Variants in ASB1 observed in about 807,000 individuals in gnomAD.
ASB1 encodes the protein ankyrin repeat and SOCS box protein 1.
A neutral mutation model predicts 27.7 loss-of-function variants in ASB1; 18 were observed. The observed-to-expected ratio is 0.65, with a 90% CI of 0.45 to 0.96. The LOEUF (loss-of-function observed/expected upper bound fraction) is 0.96, where lower values mean the gene tolerates loss of function less well. ASB1 is among the 50% of genes least tolerant of loss of function. The probability of loss-of-function intolerance (pLI) is 0.00; values close to 1 mark genes in which losing one functional copy is unlikely to be tolerated. For missense variants in ASB1, 397 were observed against 451.7 expected (o/e 0.88, Z 1.10); for synonymous variants, 189 against 187.6 (o/e 1.01, Z -0.06).
chr2:238,448,590 A>G lies in ASB1; in HGVS notation c.*2079A>G, dbSNP rs1702223185. Reference sequence around the variant, plus strand: ...ACATGATACGCTCTGCGTCTGCTCTACTGAGTACTTTCTGCAGGGGCCTGT... The same window carrying G: ...ACATGATACGCTCTGCGTCTGCTCTGCTGAGTACTTTCTGCAGGGGCCTGT... On this transcript the variant is annotated 3_prime_UTR_variant, in exon 5 of 5. Transcript: ENST00000264607. The G allele has an allele frequency of 3.3e-5, 5 of 152,192 alleles. No individual in the cohort carries two copies. Among genetic ancestry groups the G allele is most frequent in the Admixed American group, 3.3e-4 (5 of 15,282 alleles). 9.4% of individuals were successfully genotyped at this position (152,192 alleles called of 1,614,324 possible). A position where few individuals can be genotyped will look rare whatever the true frequency, so the allele number is the denominator to read the frequency against.
Position 238,451,143 on chromosome 2 carries a change from C to T in ASB1, c.*4632C>T, listed in dbSNP as rs1702277130. The T allele has an allele frequency of 6.6e-6, 1 of 152,164 alleles. No homozygotes were observed. The highest frequency in any genetic ancestry group is 2.4e-5 in the African/African-American group (1 of 41,422). 9.4% of individuals were successfully genotyped at this position (152,164 alleles called of 1,614,324 possible). On this transcript the variant is annotated 3_prime_UTR_variant, in exon 5 of 5. Transcript: ENST00000264607. The stretch of plus-strand genomic sequence containing the variant: ...ATGCACGTGGGTGGGATTCACATCC[C>T]AGGAGAATTCCACGGAGAGGAATGT...
chr2:238,444,331 CTTCCCTGCAGGTACGGGGCTGA>C lies in ASB1; in HGVS notation c.495-9_507del, dbSNP rs1334079298. 1 of 1,592,578 alleles carries C rather than the reference CTTCCCTGCAGGTACGGGGCTGA, an allele frequency of 6.3e-7. No homozygotes were observed. Among genetic ancestry groups the C allele is most frequent in the East Asian group, 2.2e-5 (1 of 44,450 alleles). On this transcript the variant is annotated splice_acceptor_variant and splice_polypyrimidine_tract_variant and coding_sequence_variant and intron_variant, in exon 4 of 5. Transcript: ENST00000264607. LOFTEE classifies it high-confidence loss of function. The stretch of plus-strand genomic sequence containing the variant: ...CCCTGCACAGTCTGACTTTCCCTTT[CTTCCCTGCAGGTACGGGGCTGA>C]TGTTGACGTCAACCACCACCTGACT...
At chr2:238,440,055 C>A (rs1422835158) in intron 3 of ASB1, among the ~76,000 whole-genome samples, 2 of 152,200 alleles carry the variant, frequency 1.3e-5, no homozygotes, top group Non-Finnish European at 2.9e-5. Flanking sequence ...CTGAGAGCTG[C>A]TTCAAGCCAT....
At chr2:238,427,405 A>C in intron 1 of ASB1, 1 of 331,820 alleles carries the variant, frequency 3.0e-6, no homozygotes, top group Non-Finnish European at 5.5e-6. Context: ...GCCGATACAG[A>C]TTTGATATGA....
At chr2:238,441,500 A>G (rs1402233813) in intron 3 of ASB1, among the ~76,000 whole-genome samples, 1 of 152,136 alleles carries the variant, frequency 6.6e-6, no homozygotes, top group African/African-American at 2.4e-5. Context: ...CTCCCTCCCC[A>G]GTAGATAACC....
rs796745408 is a variant in ASB1, at chr2:238,435,721, G to A, written c.202G>A (p.Glu68Lys). 13 of 1,612,370 alleles carry A rather than the reference G, an allele frequency of 8.1e-6. No homozygotes were observed. Among genetic ancestry groups the A allele is most frequent in the Non-Finnish European group, 1.1e-5 (13 of 1,178,928 alleles). The change falls in exon 3 of 5, where the codon GAG becomes AAG. Residue 68 changes from glutamate (E) to lysine (K), a missense_variant. Coordinates refer to ENST00000264607, the MANE Select transcript of ASB1 (RefSeq NM_001040445.3). ...GTGTTCCTCCTGCAGCCGCATCAACGAGAAGTCTGTCTGGTGCTGTGGCTG... is the reference window on the plus strand; with the variant it reads ...GTGTTCCTCCTGCAGCCGCATCAACAAGAAGTCTGTCTGGTGCTGTGGCTG... ...QEESYRSRIN[E>K]KSVWCCGWLP...
chr2:238,440,806 G>A (rs1014052221), intron 3 of ASB1, among the ~76,000 whole-genome samples: 2 of 152,202 alleles, frequency 1.3e-5, no homozygotes, highest in Non-Finnish European at 2.9e-5. Context: ...GGAGAATGAG[G>A]CTTCTAAGTC....
At chr2:238,445,801 A>G (rs1285440454) in intron 4 of ASB1, among the ~76,000 whole-genome samples, 2 of 152,190 alleles carry the variant, frequency 1.3e-5, no homozygotes, top group African/African-American at 2.4e-5. Context: ...TAGCCTTCCC[A>G]CAAATAGTTA....
At chr2:238,445,768 G>A (rs969215497) in intron 4 of ASB1, among the ~76,000 whole-genome samples, 15 of 152,240 alleles carry the variant, frequency 9.9e-5, no homozygotes, top group Non-Finnish European at 1.9e-4. Flanking sequence ...CCCTAAACCA[G>A]TTCATTAAAG....
rs1441506939 is a variant in ASB1, at chr2:238,446,784, A to ATG, written c.*275_*276dup. The ATG allele has an allele frequency of 4.1e-5, 17 of 412,672 alleles. No individual in the cohort carries two copies. Among genetic ancestry groups the ATG allele is most frequent in the African/African-American group, 3.3e-4 (16 of 48,276 alleles). 25.6% of individuals were successfully genotyped at this position (412,672 alleles called of 1,614,324 possible). On this transcript the variant is annotated 3_prime_UTR_variant, in exon 5 of 5. Coordinates refer to ENST00000264607, the MANE Select transcript of ASB1 (RefSeq NM_001040445.3). ...ATATTAATGTAACGGGCCATGGGGT[A>ATG]TGTACATGTAGGGGCTGAGGTTGGA... is the stretch of plus-strand genomic sequence containing the variant.
chr2:238,446,634 G>T lies in ASB1; in HGVS notation c.*123G>T. The T allele has an allele frequency of 7.6e-7, 1 of 1,310,020 alleles. No homozygotes were observed. The allele number at this position is 1,310,020 out of a possible 1,614,324, so 81.1% of individuals were successfully genotyped here. On this transcript the variant is annotated 3_prime_UTR_variant, in exon 5 of 5. Transcript: ENST00000264607. Reference sequence around the variant, plus strand: ...GGCTGTTGCTGCAGAAGATGTCCTCGTAGACTGTCATTGCTCCTCAGGTGC... The same window carrying T: ...GGCTGTTGCTGCAGAAGATGTCCTCTTAGACTGTCATTGCTCCTCAGGTGC...
chr2:238,437,317 C>T (rs559073206), intron 3 of ASB1, among the ~76,000 whole-genome samples: 11 of 152,194 alleles, frequency 7.2e-5, no homozygotes, highest in African/African-American at 1.9e-4. Flanking sequence ...CTGCAACCTC[C>T]GCCTCCTGGG....
rs550229706 is a variant in ASB1 at position 238,445,288 on chromosome 2, T to G, written c.880+561T>G. ...GCCACTGCTTTGGCCTAGAGTTATA[T>G]TCTCTTTATCCTTTTGCTCTGACCT... On this transcript the variant is annotated intron_variant, in intron 4 of 4. Transcript: ENST00000264607. 3.3e-3 allele frequency among the ~76,000 whole-genome samples: 507 copies of G among 152,308 alleles called. 1 individual carries two copies. Among genetic ancestry groups the G allele is most frequent in the Non-Finnish European group, 4.6e-3 (310 of 68,032 alleles).
In ASB1 at chr2:238,446,639, CTG is replaced by C; in HGVS notation, c.*130_*131del. 3 of 1,242,616 alleles carry C rather than the reference CTG, an allele frequency of 2.4e-6. No homozygotes were observed. The highest frequency in any genetic ancestry group is 3.5e-6 in the Non-Finnish European group (3 of 864,242). 77.0% of individuals were successfully genotyped at this position (1,242,616 alleles called of 1,614,324 possible). A position where few individuals can be genotyped will look rare whatever the true frequency, so the allele number is the denominator to read the frequency against. On this transcript the variant is annotated 3_prime_UTR_variant, in exon 5 of 5. Coordinates refer to ENST00000264607, the MANE Select transcript of ASB1 (RefSeq NM_001040445.3). ...TTGCTGCAGAAGATGTCCTCGTAGA[CTG>C]TCATTGCTCCTCAGGTGCCTGGGCC...
chr2:238,437,452 G>A (rs1965198), intron 3 of ASB1, among the ~76,000 whole-genome samples: 67,355 of 151,862 alleles, frequency 0.44, 17,692 homozygotes, highest in Middle Eastern at 0.63. Flanking sequence ...GGATGGTCTC[G>A]ATCTTCTGAC....
At position 238,449,881 on chromosome 2, in the gene ASB1, AGACATAGGACTGAGCCAAG is replaced by A. The variant is rs1358870404; in HGVS notation, c.*3373_*3391del. 2.6e-5 allele frequency: 4 copies of A among 152,270 alleles called. No homozygotes were observed. Among genetic ancestry groups the A allele is most frequent in the African/African-American group, 9.6e-5 (4 of 41,474 alleles). 9.4% of individuals were successfully genotyped at this position (152,270 alleles called of 1,614,324 possible). On this transcript the variant is annotated 3_prime_UTR_variant, in exon 5 of 5. Coordinates refer to ENST00000264607, the MANE Select transcript of ASB1 (RefSeq NM_001040445.3). ...TGAGAGAAGGAGAGGAAGATACAGC[AGACATAGGACTGAGCCAAG>A]GAAGAGTCTGCCTGAGAGAGACGCT...
At position 238,446,760 on chromosome 2, in the gene ASB1, T is replaced by C. The variant is rs527547367; in HGVS notation, c.*249T>C. The C allele has an allele frequency of 1.7e-5, 8 of 479,528 alleles. No homozygotes were observed. The highest frequency in any genetic ancestry group is 3.0e-5 in the Non-Finnish European group (8 of 265,836). 29.7% of individuals were successfully genotyped at this position (479,528 alleles called of 1,614,324 possible). ...TCTCTGTTCTGGATTTTCAGTTGCA[T>C]ATTAATGTAACGGGCCATGGGGTAT... On this transcript the variant is annotated 3_prime_UTR_variant, in exon 5 of 5. Transcript: ENST00000264607.
At chr2:238,430,465 G>C (rs1701848029) in intron 1 of ASB1, among the ~76,000 whole-genome samples, 2 of 152,210 alleles carry the variant, frequency 1.3e-5, no homozygotes, top group South Asian at 4.1e-4. Flanking sequence ...GATTTCCACT[G>C]CATCTGCAGT....
chr2:238,432,997 C>T (rs1037966259), intron 1 of ASB1, among the ~76,000 whole-genome samples: 2 of 152,164 alleles, frequency 1.3e-5, no homozygotes, highest in African/African-American at 2.4e-5. Context: ...CTGCCCGCCT[C>T]GGCCTCTCAA....
Sources: allele counts gnomAD v4.1 joint callset (sites outside exome capture counted in the v4.1 genomes callset), GRCh38; gene constraint gnomAD v4.1.1; transcripts MANE v1.5; gene names NCBI Gene and HGNC (gene_info 2026-07-23, HGNC 2026-07-21).